The following TANC2 variants were observed in gnomAD, a reference collection of about 807,000 sequenced individuals.
The protein encoded by TANC2 is protein TANC2.
Under a neutral mutation model 210.5 loss-of-function variants are expected in TANC2, and 26 were observed. The observed-to-expected ratio is 0.12, with a 90% CI of 0.09 to 0.17. The LOEUF is 0.17. TANC2 is among the 10% of genes least tolerant of loss of function. TANC2 has a pLI of 1.00. For missense variants in TANC2, 2,129 were observed against 2,608.9 expected, an observed-to-expected ratio of 0.82 and a Z score of 4.01; for synonymous variants, 931 against 967.1, an observed-to-expected ratio of 0.96 and a Z score of 0.69.
At chr17:63,202,857 G>GT (rs1006996898) in intron 7 of TANC2, among the ~76,000 whole-genome samples, 2 of 151,980 alleles carry the variant, frequency 1.3e-5, no homozygotes, top group African/African-American at 4.8e-5. Context: ...ATTATATGTT[G>GT]TTTTTTGTGT....
intron 17 of TANC2, 105 bp from the exon 18 acceptor site, chr17:63,395,638 A>C (rs906859337): frequency 3.9e-6 from 4 of 1,036,176 alleles, no homozygotes; most frequent in Non-Finnish European, 4.3e-6. Context: ...AGGAGTGGAA[A>C]GGATGATTCT....
chr17:63,193,154 A>G (rs1482781641), intron 5 of TANC2, among the ~76,000 whole-genome samples: 1 of 152,212 alleles, frequency 6.6e-6, no homozygotes, highest in Non-Finnish European at 1.5e-5. Context: ...TAAGTTATCT[A>G]AATGTTTATA....
chr17:63,201,420 CTTTG>C (rs1221311670), intron 7 of TANC2, among the ~76,000 whole-genome samples: 2 of 152,140 alleles, frequency 1.3e-5, no homozygotes, highest in Non-Finnish European at 2.9e-5. Context: ...CCCCTTTAGA[CTTTG>C]TTTTTCTTCT....
intron 5 of TANC2, among the ~76,000 whole-genome samples, chr17:63,170,414 C>T (rs2040364072): frequency 2.1e-5 from 3 of 143,556 alleles, no homozygotes. Flanking sequence ...ACAGCCTGGG[C>T]AACAGAGCGA....
chr17:63,151,367 T>A, exon 5 of TANC2: 1 of 985,824 alleles, frequency 1.0e-6, no homozygotes, highest in Non-Finnish European at 1.2e-6. Flanking sequence ...TGGACGTGGA[T>A]GCATACTGCC....
At chr17:63,231,046 T>C (rs543632685) in intron 7 of TANC2, among the ~76,000 whole-genome samples, 19 of 152,326 alleles carry the variant, frequency 1.2e-4, no homozygotes, top group Non-Finnish European at 2.5e-4. Context: ...TTTTAAATCT[T>C]TGTTGGTTTA....
At chr17:63,218,610 A>G (rs1050209189) in intron 7 of TANC2, among the ~76,000 whole-genome samples, 2 of 152,080 alleles carry the variant, frequency 1.3e-5, no homozygotes, top group African/African-American at 4.8e-5. Flanking sequence ...GAAACTAGTG[A>G]GTTAGCTGGA....
At chr17:62,992,147 C>A (rs965160243) in intron 1 of TANC2, among the ~76,000 whole-genome samples, 4 of 152,154 alleles carry the variant, frequency 2.6e-5, no homozygotes, top group Non-Finnish European at 5.9e-5. Context: ...ACGTAATAGA[C>A]TTAAGCATCT....
At chr17:63,353,362 A>G (rs2046677317) in intron 13 of TANC2, among the ~76,000 whole-genome samples, 1 of 152,166 alleles carries the variant, frequency 6.6e-6, no homozygotes, top group African/African-American at 2.4e-5. Context: ...TAGAAAGATC[A>G]CAGATATCTT....
At chr17:63,072,972 TA>T (rs1227335452) in intron 2 of TANC2, among the ~76,000 whole-genome samples, 2 of 152,016 alleles carry the variant, frequency 1.3e-5, no homozygotes, top group African/African-American at 4.8e-5. Context: ...ATAGAATAAG[TA>T]GATGACAGAG....
intron 3 of TANC2, chr17:63,089,006 C>T (rs2037081416): frequency 6.6e-6 from 1 of 152,184 alleles, no homozygotes. Flanking sequence ...GGAGTCCTCT[C>T]TGTTTGCATC....
At chr17:63,072,055 A>G (rs1027946632) in intron 2 of TANC2, among the ~76,000 whole-genome samples, 8 of 152,192 alleles carry the variant, frequency 5.3e-5, no homozygotes, top group African/African-American at 1.7e-4. Flanking sequence ...TACCTGGCAG[A>G]GAGTACATAG....
At chr17:63,089,977 A>G (rs2037120512) in intron 3 of TANC2, among the ~76,000 whole-genome samples, 1 of 152,166 alleles carries the variant, frequency 6.6e-6, no homozygotes, top group South Asian at 2.1e-4. Context: ...TGCCATTTTA[A>G]GTGTACATAC....
chr17:62,966,731 G>C lies in TANC2; in HGVS notation c.-42G>C, dbSNP rs2031357610. 1 of 152,312 alleles carries C rather than the reference G, an allele frequency of 6.6e-6. No individual in the cohort carries two copies. Among genetic ancestry groups the C allele is most frequent in the Non-Finnish European group, 1.5e-5 (1 of 68,140 alleles). 9.4% of individuals were successfully genotyped at this position (152,312 alleles called of 1,614,324 possible). A position where few individuals can be genotyped will look rare whatever the true frequency, so the allele number is the denominator to read the frequency against. ...CTGGGGCTTGACCCGGAGGTGCAGA[G>C]AGCCCCTCAGAGCGGCAGGTAAGGG... On this transcript the variant is annotated 5_prime_UTR_variant, in exon 1 of 28. Transcript: ENST00000689528. This position sits in a 1 kb window ranked among gnomAD's most constrained non-coding sequence, Gnocchi z 5.1.
chr17:63,367,931 G>A (rs2047157316), intron 14 of TANC2, among the ~76,000 whole-genome samples: 1 of 152,168 alleles, frequency 6.6e-6, no homozygotes, highest in Admixed American at 6.5e-5. Flanking sequence ...CTGGTGATGT[G>A]AAAGATAGCT....
In TANC2 at chr17:62,966,314, G is replaced by T. The variant is rs1053867552; in HGVS notation, c.-459G>T. On this transcript the variant is annotated 5_prime_UTR_variant, in exon 1 of 28. Coordinates refer to ENST00000689528, the Ensembl canonical transcript of TANC2. This position sits in a 1 kb window ranked among gnomAD's most constrained non-coding sequence, Gnocchi z 5.1. Reference sequence around the variant, plus strand: ...CGGGGCCCGCTGGCACAGCCGCCTCGCGCGAGCCGCCCGCCCGGCGGGGGA... The same window carrying T: ...CGGGGCCCGCTGGCACAGCCGCCTCTCGCGAGCCGCCCGCCCGGCGGGGGA... Among the ~76,000 whole-genome samples, 11 of 146,372 alleles carry T rather than the reference G, an allele frequency of 7.5e-5. No homozygotes were observed. Among genetic ancestry groups the T allele is most frequent in the African/African-American group, 2.2e-4 (9 of 40,838 alleles).
At chr17:63,413,678 C>A in intron 25 of TANC2, 44 bp downstream of exon 25, 2 of 1,499,140 alleles carry the variant, frequency 1.3e-6, no homozygotes, top group Non-Finnish European at 9.1e-7. Flanking sequence ...CAGCCACTGA[C>A]TGTTTTCCAT....
At chr17:63,090,669 C>A (rs145753015) in intron 3 of TANC2, among the ~76,000 whole-genome samples, 1 of 152,120 alleles carries the variant, frequency 6.6e-6, no homozygotes, top group Non-Finnish European at 1.5e-5. Flanking sequence ...AATAAACATA[C>A]GTGCGCATGT....
chr17:63,136,951 A>G (rs2039110860), intron 4 of TANC2, among the ~76,000 whole-genome samples: 1 of 152,166 alleles, frequency 6.6e-6, no homozygotes, highest in Non-Finnish European at 1.5e-5. Context: ...ATCCGAGACA[A>G]CTGCAGAACT....
Sources: allele counts gnomAD v4.1 joint callset (sites outside exome capture counted in the v4.1 genomes callset), GRCh38; gene constraint gnomAD v4.1.1; non-coding constraint Gnocchi (gnomAD v3.1); transcripts MANE v1.5; gene names NCBI Gene and HGNC (gene_info 2026-07-23, HGNC 2026-07-21).